Variants in HAUS5 observed in about 807,000 individuals in gnomAD.
HAUS5 encodes the protein HAUS augmin-like complex subunit 5.
In HAUS5, 67 loss-of-function variants were observed where a neutral mutation model predicts 94.1. The ratio of observed to expected loss-of-function variants is 0.71; its 90% confidence interval spans 0.58 to 0.87. The LOEUF (loss-of-function observed/expected upper bound fraction) is 0.87. Ranked by LOEUF, HAUS5 falls within the 40% of genes least tolerant of loss-of-function variation. The pLI is 0.00. For synonymous variants in HAUS5, 339 were observed against 355.4 expected, an observed-to-expected ratio of 0.95 and a Z score of 0.52; for missense variants, 739 against 825.6, an observed-to-expected ratio of 0.90 and a Z score of 1.29.
At chr19:35,615,435 C>T (rs3814983) in intron 6 of HAUS5, 49 bp downstream of exon 6, 398,963 of 1,464,082 alleles carry the variant, frequency 0.27, 58,109 homozygotes, top group Admixed American at 0.48. Flanking sequence ...CAGACATTCT[C>T]TTAGAGACCT....
In HAUS5 at chr19:35,612,817, G is replaced by A; in HGVS notation, c.23G>A (p.Arg8Gln). Residue 8 changes from arginine (R) to glutamine (Q), a missense_variant, in exon 1 of 19, where the codon CGG (arginine) becomes CAG (glutamine). Arg to Gln is a conservative substitution (Grantham distance 43). Coordinates refer to ENST00000203166, the MANE Select transcript of HAUS5 (RefSeq NM_015302.2). ...GTCATGGAGCTAGCGCAGGAAGCGC[G>A]GGAACTGGGTTGCTGGGCGGTCGAA... MELAQEA[R>Q]ELGCWAVEEM... 3.2e-6 allele frequency: 5 copies of A among 1,547,800 alleles called. No homozygotes were observed. The highest frequency in any genetic ancestry group is 4.4e-6 in the Non-Finnish European group (5 of 1,145,766).
intron 12 of HAUS5, 31 bp from the exon 13 acceptor site, chr19:35,618,855 CT>C (rs1344954066): frequency 6.4e-7 from 1 of 1,569,916 alleles, no homozygotes. Flanking sequence ...AGTCACCCTT[CT>C]CTCCTTTGCT....
chr19:35,621,179 G>A (rs1378532774), intron 17 of HAUS5, among the ~76,000 whole-genome samples: 2 of 152,294 alleles, frequency 1.3e-5, no homozygotes, highest in East Asian at 1.9e-4. Context: ...ACTGGAGGAA[G>A]AGACTGTTCA....
At chr19:35,622,784 C>G (rs777725189) in intron 18 of HAUS5, 51 bp downstream of exon 18, 13 of 1,612,126 alleles carry the variant, frequency 8.1e-6, no homozygotes, top group African/African-American at 1.3e-5. Flanking sequence ...AGGACTCAAG[C>G]TGGGGGCCTG....
intron 15 of HAUS5, 26 bp downstream of exon 15, chr19:35,619,784 G>A: frequency 6.6e-7 from 1 of 1,521,018 alleles, no homozygotes; most frequent in Non-Finnish European, 8.8e-7. Context: ...CCCCACCCCT[G>A]CCCTGCATCC....
chr19:35,620,498 C>T (rs929059095), intron 17 of HAUS5, among the ~76,000 whole-genome samples, 171 bp downstream of exon 17: 1 of 152,230 alleles, frequency 6.6e-6, no homozygotes, highest in African/African-American at 2.4e-5. Context: ...GTAAGTGCTG[C>T]TGTTCTCTCC....
intron 4 of HAUS5, 80 bp downstream of exon 4, chr19:35,614,139 T>C (rs1431727060): frequency 2.4e-6 from 3 of 1,230,384 alleles, no homozygotes; most frequent in Middle Eastern, 1.9e-4. Flanking sequence ...AACCAGGTGC[T>C]GGGTGATGCT....
intron 17 of HAUS5, 89 bp from the exon 18 acceptor site, chr19:35,622,512 C>A: frequency 7.2e-7 from 1 of 1,391,988 alleles, no homozygotes; most frequent in Non-Finnish European, 9.9e-7. Flanking sequence ...GAGGTCAAGA[C>A]TAGGGGACTG....
At chr19:35,619,584 G>GGGCCCCCCC in intron 14 of HAUS5, 29 bp from the exon 15 acceptor site, 1 of 1,533,890 alleles carries the variant, frequency 6.5e-7, no homozygotes, top group Non-Finnish European at 8.9e-7. Flanking sequence ...ATGTTGTGAT[G>GGGCCCCCCC]CCCCACCCAC....
Position 35,618,407 on chromosome 19 carries a change from A to ACGCCCCC in HAUS5, c.827_828insCGCCCCC (p.Gln276HisfsTer65). 1 of 1,038,376 alleles carries ACGCCCCC rather than the reference A, an allele frequency of 9.6e-7. No individual in the cohort carries two copies. Among genetic ancestry groups the ACGCCCCC allele is most frequent in the Non-Finnish European group, 1.4e-6 (1 of 707,848 alleles). 64.3% of individuals were successfully genotyped at this position (1,038,376 alleles called of 1,614,324 possible). ...CAGCTCTTCCCCCACCCCAGACCCC[A>ACGCCCCC]GGCCCCGGACCAGTCAGACTCCAGC... On this transcript the variant is annotated frameshift_variant, in exon 11 of 19. Transcript: ENST00000203166. LOFTEE classifies it high-confidence loss of function.
chr19:35,620,802 G>T (rs1181946801), intron 17 of HAUS5, among the ~76,000 whole-genome samples: 3 of 152,226 alleles, frequency 2.0e-5, no homozygotes, highest in African/African-American at 7.2e-5. Flanking sequence ...GCAGATTGAG[G>T]CAGGGGACCC....
chr19:35,622,790 G>A lies in HAUS5; in HGVS notation c.1784+57G>A. ...AGAAAAGTCAGGACTCAAGCTGGGG[G>A]CCTGATGAGAAGGAGCAGGCCATGG... On this transcript the variant is annotated intron_variant, in intron 18 of 18. Coordinates refer to ENST00000203166, the MANE Select transcript of HAUS5 (RefSeq NM_015302.2). 9 of 1,610,490 alleles carry A rather than the reference G, an allele frequency of 5.6e-6. No homozygotes were observed. The South Asian group carries it at 7.7e-5, about 14-fold the overall frequency.
intron 18 of HAUS5, 38 bp from the exon 19 acceptor site, chr19:35,622,838 G>T (rs749365957): frequency 1.2e-6 from 2 of 1,605,942 alleles, no homozygotes; most frequent in Non-Finnish European, 1.7e-6. Context: ...GGTCTGGAGG[G>T]TCAGTCCTTT....
At chr19:35,613,651 C>T (rs1239837006) in intron 1 of HAUS5, 79 bp from the exon 2 acceptor site, 10 of 1,337,682 alleles carry the variant, frequency 7.5e-6, no homozygotes, top group Non-Finnish European at 1.1e-5. Context: ...TAAAAACTCC[C>T]TACCACCATC....
chr19:35,618,159 G>A lies in HAUS5; in HGVS notation c.785G>A (p.Cys262Tyr). 1 of 1,609,624 alleles carries A rather than the reference G, an allele frequency of 6.2e-7. No homozygotes were observed. The highest frequency in any genetic ancestry group is 8.5e-7 in the Non-Finnish European group (1 of 1,176,952). ...CGGGAGGCAGAGATTCGGTCCCTGT[G>A]CAGTGGGGATGGGCTTGGCGACACA... is the stretch of plus-strand genomic sequence containing the variant. ...AEREAEIRSL[C>Y]SGDGLGDTEI... The change falls in exon 10 of 19, where the codon TGC becomes TAC. Residue 262 changes from cysteine to tyrosine, a missense_variant. Coordinates refer to ENST00000203166, the MANE Select transcript of HAUS5 (RefSeq NM_015302.2).
At position 35,625,065 on chromosome 19, in the gene HAUS5, C is replaced by G. The variant is rs1967285026; in HGVS notation, c.*2072C>G. The stretch of plus-strand genomic sequence containing the variant: ...CCTCATCACAGTTCCCAGCCCCCAC[C>G]TTCAACTGAACTCAACAAAATCTTC... On this transcript the variant is annotated 3_prime_UTR_variant, in exon 19 of 19. Coordinates refer to ENST00000203166, the MANE Select transcript of HAUS5 (RefSeq NM_015302.2). 6.6e-6 allele frequency: 1 copy of G among 152,206 alleles called. No homozygotes were observed. 9.4% of individuals were successfully genotyped at this position (152,206 alleles called of 1,614,324 possible).
chr19:35,619,057 G>A lies in HAUS5; in HGVS notation c.1179+8G>A. The A allele has an allele frequency of 6.3e-7, 1 of 1,579,876 alleles. No individual in the cohort carries two copies. Among genetic ancestry groups the A allele is most frequent in the Non-Finnish European group, 8.6e-7 (1 of 1,165,224 alleles). ...CACTGGCGCCAGCTGGTGGTGAGAG[G>A]CTAGGCCCAGGGCCTTGTGGAGGGC... On this transcript the variant is annotated splice_region_variant and intron_variant, in intron 13 of 18. Transcript: ENST00000203166.
chr19:35,619,575 T>C (rs759125818), intron 14 of HAUS5, 38 bp from the exon 15 acceptor site: 3 of 1,591,906 alleles, frequency 1.9e-6, no homozygotes, highest in Middle Eastern at 1.7e-4. Flanking sequence ...GGACTTGTGA[T>C]GTTGTGATGC....
At chr19:35,617,665 G>T (rs1327492072) in intron 8 of HAUS5, among the ~76,000 whole-genome samples, 190 bp from the exon 9 acceptor site, 1 of 152,086 alleles carries the variant, frequency 6.6e-6, no homozygotes, top group African/African-American at 2.4e-5. Flanking sequence ...CTGGGGTGAA[G>T]GGTCCAGAGA....
Sources: allele counts gnomAD v4.1 joint callset (sites outside exome capture counted in the v4.1 genomes callset), GRCh38; gene constraint gnomAD v4.1.1; transcripts MANE v1.5; gene names NCBI Gene and HGNC (gene_info 2026-07-23, HGNC 2026-07-21).